Variants in PPP1R1C observed in about 807,000 individuals in gnomAD.
PPP1R1C encodes the protein protein phosphatase 1 regulatory subunit 1C.
Under a neutral mutation model 17.4 loss-of-function variants are expected in PPP1R1C, and 15 were observed. The observed-to-expected ratio is 0.86, with a 90% CI of 0.58 to 1.33. The LOEUF (loss-of-function observed/expected upper bound fraction) is 1.33, where lower values mean the gene tolerates loss of function less well. Ranked by LOEUF, PPP1R1C falls within the 40% of genes most tolerant of loss-of-function variation. PPP1R1C has a pLI of 0.00. For synonymous variants in PPP1R1C, 35 were observed against 43.1 expected, an observed-to-expected ratio of 0.81 and a Z score of 0.73; for missense variants, 143 against 130.0, an observed-to-expected ratio of 1.10 and a Z score of -0.48.
At chr2:182,101,188 CA>C (rs1689089454) in intron 4 of PPP1R1C, among the ~76,000 whole-genome samples, 2 of 152,078 alleles carry the variant, frequency 1.3e-5, no homozygotes, top group African/African-American at 4.8e-5. Context: ...CTGGTAGTAC[CA>C]TTGGTGAATT....
intron 4 of PPP1R1C, among the ~76,000 whole-genome samples, chr2:182,115,073 C>T (rs368734354): frequency 1.3e-5 from 2 of 152,084 alleles, no homozygotes; most frequent in Non-Finnish European, 2.9e-5. Flanking sequence ...TCTTGAGTTA[C>T]CTTGTGAATG....
upstream of PPP1R1C, among the ~76,000 whole-genome samples, chr2:181,984,931 A>T (rs781443505): frequency 6.6e-5 from 10 of 152,192 alleles, no homozygotes; most frequent in Non-Finnish European, 1.5e-4. Context: ...CTTTAACATT[A>T]ACTAATGTGG....
rs77278456 is a variant in PPP1R1C at position 182,008,124 on chromosome 2, A to G, written c.142+20225A>G. Among the ~76,000 whole-genome samples the G allele has an allele frequency of 1.7e-3, 260 of 152,114 alleles. 2 individuals are homozygous for G. The East Asian group carries it at 0.039, about 23-fold the overall frequency. On this transcript the variant is annotated intron_variant, in intron 2 of 4. Coordinates refer to ENST00000682840, the MANE Select transcript of PPP1R1C (RefSeq NM_001080545.3). ...AATAAAATGAAATCAATACTTTTGC[A>G]TAAATGTCTATAAACAGATTACATT...
At chr2:182,105,680 G>A (rs565853437) in intron 4 of PPP1R1C, among the ~76,000 whole-genome samples, 1 of 152,284 alleles carries the variant, frequency 6.6e-6, no homozygotes, top group Admixed American at 6.5e-5. Flanking sequence ...ATAAAAGAAA[G>A]GAAGATTTGA....
chr2:182,027,049 T>C (rs1458815414), intron 2 of PPP1R1C, among the ~76,000 whole-genome samples: 12 of 132,544 alleles, frequency 9.1e-5, no homozygotes, highest in African/African-American at 2.7e-4. Flanking sequence ...GTGATTTTTG[T>C]ACATTGATTT....
At chr2:181,994,692 T>C (rs76338524) in intron 2 of PPP1R1C, among the ~76,000 whole-genome samples, 341 of 152,322 alleles carry the variant, frequency 2.2e-3, no homozygotes, top group African/African-American at 7.9e-3. Context: ...ATTCAATTTA[T>C]TGAGTCCTTA....
At chr2:181,972,206 GGAAA>G (rs1029473926) in intron 1 of PPP1R1C, among the ~76,000 whole-genome samples, 2 of 152,142 alleles carry the variant, frequency 1.3e-5, no homozygotes, top group Non-Finnish European at 2.9e-5. Context: ...ATGTGGGAAG[GGAAA>G]GAAAGTCATT....
intron 4 of PPP1R1C, among the ~76,000 whole-genome samples, chr2:182,074,896 C>T (rs147131043): frequency 0.011 from 1,662 of 152,314 alleles, 13 homozygotes; most frequent in South Asian, 0.038. Flanking sequence ...GTGCAACATT[C>T]TGAGATCTGT....
At position 181,962,131 on chromosome 2, in the gene PPP1R1C, C is replaced by T; in HGVS notation, n.111+7497C>T. 1.4e-6 allele frequency: 1 copy of T among 729,380 alleles called. No homozygotes were observed. The highest frequency in any genetic ancestry group is 1.4e-5 in the South Asian group (1 of 73,404). 45.2% of individuals were successfully genotyped at this position (729,380 alleles called of 1,614,324 possible). On this transcript the variant is annotated intron_variant and non_coding_transcript_variant, in intron 1 of 5. Transcript: ENST00000464264. The surrounding 1 kb of genome is among the most constrained non-coding windows in gnomAD (Gnocchi z 6.0). ...CTCTGACCTGGAGTCCCTTCTTCTCCAGGTGCTCCCGGATTTTGCTCTCCA... is the reference window on the plus strand; with the variant it reads ...CTCTGACCTGGAGTCCCTTCTTCTCTAGGTGCTCCCGGATTTTGCTCTCCA...
chr2:181,955,461 A>G (rs1311376633), intron 1 of PPP1R1C, among the ~76,000 whole-genome samples: 1 of 152,208 alleles, frequency 6.6e-6, no homozygotes, highest in Non-Finnish European at 1.5e-5. Context: ...ATTTTTGTCA[A>G]TCAAGGAAAT....
At chr2:182,091,430 G>A (rs1688776693) in intron 4 of PPP1R1C, among the ~76,000 whole-genome samples, 1 of 151,764 alleles carries the variant, frequency 6.6e-6, no homozygotes, top group Non-Finnish European at 1.5e-5. Context: ...AACAGGCGGT[G>A]AGAAAGAGAA....
At chr2:181,985,785 TG>T (rs1445397558), upstream of PPP1R1C, 1 of 354,708 alleles carries the variant, frequency 2.8e-6, no homozygotes, top group African/African-American at 2.0e-5. The surrounding 1 kb of genome is among the most constrained non-coding windows in gnomAD (Gnocchi z 4.1). Flanking sequence ...AGGCTAGCAT[TG>T]CATTTTCAAT....
chr2:181,955,956 G>A (rs1251178863), intron 1 of PPP1R1C, among the ~76,000 whole-genome samples: 1 of 152,080 alleles, frequency 6.6e-6, no homozygotes, highest in Non-Finnish European at 1.5e-5. Context: ...AGGTACACAT[G>A]TGCCATGGTG....
chr2:182,042,082 TCTTA>T (rs777871194), intron 2 of PPP1R1C, among the ~76,000 whole-genome samples: 7 of 152,220 alleles, frequency 4.6e-5, no homozygotes, highest in African/African-American at 9.6e-5. Flanking sequence ...ATTTAACACA[TCTTA>T]CTCACGTTGA....
chr2:182,026,797 G>C (rs2125167396), intron 2 of PPP1R1C, among the ~76,000 whole-genome samples: 1 of 150,906 alleles, frequency 6.6e-6, no homozygotes, highest in South Asian at 2.1e-4. Flanking sequence ...AAATTACCTT[G>C]GGCAGTATGG....
chr2:182,106,740 C>A (rs1574457515), intron 4 of PPP1R1C, among the ~76,000 whole-genome samples: 1 of 152,262 alleles, frequency 6.6e-6, no homozygotes, highest in Admixed American at 6.5e-5. Flanking sequence ...GACAGCACAA[C>A]TAAAAAACTA....
At chr2:182,021,452 C>A (rs766793217) in intron 2 of PPP1R1C, among the ~76,000 whole-genome samples, 2 of 151,228 alleles carry the variant, frequency 1.3e-5, no homozygotes, top group Non-Finnish European at 2.9e-5. Context: ...CTCAGCCTCC[C>A]GAGTAGCTGG....
chr2:182,108,348 G>C (rs532435083), intron 4 of PPP1R1C, among the ~76,000 whole-genome samples: 12 of 152,072 alleles, frequency 7.9e-5, no homozygotes, highest in African/African-American at 1.9e-4. Context: ...TCTCTTTTCA[G>C]ACTCCTGGAC....
At chr2:182,122,712 CAT>C (rs1466132073), downstream of PPP1R1C, among the ~76,000 whole-genome samples, 2 of 151,336 alleles carry the variant, frequency 1.3e-5, no homozygotes, top group Non-Finnish European at 2.9e-5. Context: ...CCAAAACAGA[CAT>C]AAAGTAAGCA....
Sources: allele counts gnomAD v4.1 joint callset (sites outside exome capture counted in the v4.1 genomes callset), GRCh38; gene constraint gnomAD v4.1.1; non-coding constraint Gnocchi (gnomAD v3.1); transcripts MANE v1.5; gene names NCBI Gene and HGNC (gene_info 2026-07-23, HGNC 2026-07-21).